CAMKMT: variants seen among roughly 807,000 people sequenced by gnomAD.
CAMKMT encodes calmodulin-lysine N-methyltransferase, also known as CaM KMT.
CAMKMT carries 53 observed loss-of-function variants against 48.0 expected under a neutral mutation model. The observed-to-expected ratio is 1.10, with a 90% CI of 0.89 to 1.39. The LOEUF is 1.39. Ranked by LOEUF, CAMKMT falls within the 40% of genes most tolerant of loss-of-function variation. The probability of loss-of-function intolerance (pLI) is 0.00; values close to 1 mark genes in which losing one functional copy is unlikely to be tolerated. For missense variants in CAMKMT, 428 were observed against 402.7 expected (o/e 1.06, Z -0.54); for synonymous variants, 165 against 152.3 (o/e 1.08, Z -0.61).
chr2:44,375,733 T>A (rs181102335), intron 2 of CAMKMT, among the ~76,000 whole-genome samples: 4 of 151,714 alleles, frequency 2.6e-5, no homozygotes, highest in Non-Finnish European at 5.9e-5. Context: ...AGTCTTTAGC[T>A]GGAGGAATGA....
chr2:44,452,596 T>C (rs543237638), intron 3 of CAMKMT, among the ~76,000 whole-genome samples: 1 of 152,182 alleles, frequency 6.6e-6, no homozygotes, highest in East Asian at 1.9e-4. Flanking sequence ...CAGAGTTTAA[T>C]TTTGCTGAAA....
intron 2 of CAMKMT, among the ~76,000 whole-genome samples, chr2:44,389,327 C>A (rs1023905871): frequency 7.9e-5 from 12 of 152,088 alleles, no homozygotes; most frequent in African/African-American, 2.9e-4. Flanking sequence ...AGTCACCTTT[C>A]GAGGTACCAG....
At chr2:44,505,690 A>C (rs547227386) in intron 3 of CAMKMT, among the ~76,000 whole-genome samples, 1 of 152,218 alleles carries the variant, frequency 6.6e-6, no homozygotes, top group East Asian at 1.9e-4. Flanking sequence ...GCGGAAAAGG[A>C]GGAGTTTGTC....
At chr2:44,434,864 A>G (rs1292401957) in intron 3 of CAMKMT, among the ~76,000 whole-genome samples, 1 of 152,232 alleles carries the variant, frequency 6.6e-6, no homozygotes, top group Non-Finnish European at 1.5e-5. Context: ...GTTTGCATAT[A>G]TTAAACTAGG....
At chr2:44,475,632 G>T (rs1363061852) in intron 3 of CAMKMT, among the ~76,000 whole-genome samples, 1 of 151,962 alleles carries the variant, frequency 6.6e-6, no homozygotes, top group Non-Finnish European at 1.5e-5. Flanking sequence ...AGAAATTTTT[G>T]AAAGGAATAA....
chr2:44,582,062 A>C (rs891729043), intron 3 of CAMKMT, among the ~76,000 whole-genome samples: 7 of 152,218 alleles, frequency 4.6e-5, no homozygotes, highest in Non-Finnish European at 1.0e-4. Context: ...AAAATTCTCA[A>C]ACGTTATTTA....
intron 7 of CAMKMT, among the ~76,000 whole-genome samples, chr2:44,719,223 C>T (rs1450817722): frequency 2.0e-5 from 3 of 152,130 alleles, no homozygotes; most frequent in Non-Finnish European, 4.4e-5. Flanking sequence ...TAAATCCTTC[C>T]TTCTAGGATG....
At chr2:44,512,408 AG>A (rs1382203469) in intron 3 of CAMKMT, among the ~76,000 whole-genome samples, 3 of 152,240 alleles carry the variant, frequency 2.0e-5, no homozygotes, top group African/African-American at 7.2e-5. Flanking sequence ...AATGAGTGGC[AG>A]CCATTATTAT....
chr2:44,419,709 A>G (rs1683799142), intron 3 of CAMKMT, among the ~76,000 whole-genome samples: 1 of 152,148 alleles, frequency 6.6e-6, no homozygotes, highest in South Asian at 2.1e-4. Flanking sequence ...CCAGGTAGCT[A>G]GGACACAGGC....
chr2:44,765,751 C>T (rs1680815772), intron 9 of CAMKMT, among the ~76,000 whole-genome samples: 2 of 152,184 alleles, frequency 1.3e-5, no homozygotes, highest in Admixed American at 6.5e-5. Flanking sequence ...TGTTTACCCT[C>T]ATTATACCAC....
intron 1 of CAMKMT, among the ~76,000 whole-genome samples, chr2:44,364,240 C>G (rs1372873147): frequency 6.6e-6 from 1 of 152,138 alleles, no homozygotes; most frequent in Non-Finnish European, 1.5e-5. Context: ...TCAGCTGTGG[C>G]TGTTACATGA....
chr2:44,376,876 G>A (rs1382609164), intron 2 of CAMKMT, among the ~76,000 whole-genome samples: 1 of 152,146 alleles, frequency 6.6e-6, no homozygotes, highest in East Asian at 1.9e-4. Context: ...CCCAAGGTTT[G>A]TTGTCGTCTT....
intron 3 of CAMKMT, among the ~76,000 whole-genome samples, chr2:44,408,438 T>C (rs1439586132): frequency 6.6e-6 from 1 of 152,172 alleles, no homozygotes; most frequent in African/African-American, 2.4e-5. Flanking sequence ...TTTCTTGTTT[T>C]TTATTGTTTG....
intron 3 of CAMKMT, among the ~76,000 whole-genome samples, chr2:44,515,332 G>T (rs952712063): frequency 6.6e-6 from 1 of 152,176 alleles, no homozygotes; most frequent in African/African-American, 2.4e-5. Flanking sequence ...TAGAACTTTG[G>T]ATTTGGGTAT....
At chr2:44,491,636 T>C (rs780075801) in intron 3 of CAMKMT, among the ~76,000 whole-genome samples, 1 of 152,220 alleles carries the variant, frequency 6.6e-6, no homozygotes, top group East Asian at 1.9e-4. Flanking sequence ...TGCACTATGA[T>C]AAATGCCTGA....
At chr2:44,598,285 A>T (rs965891270) in intron 3 of CAMKMT, among the ~76,000 whole-genome samples, 3 of 152,208 alleles carry the variant, frequency 2.0e-5, no homozygotes, top group Non-Finnish European at 4.4e-5. Flanking sequence ...AATTCTTTCT[A>T]TGAATCCTAA....
At chr2:44,483,538 C>A (rs372521269) in intron 3 of CAMKMT, among the ~76,000 whole-genome samples, 129 of 152,100 alleles carry the variant, frequency 8.5e-4, no homozygotes, top group African/African-American at 3.1e-3. Context: ...AAACTGGTAT[C>A]CTAAATCCTT....
rs1157103611 is a variant in CAMKMT at position 44,657,979 on chromosome 2, C to T, written c.377-46304C>T. Among the ~76,000 whole-genome samples the T allele has an allele frequency of 9.2e-5, 14 of 152,188 alleles. No individual in the cohort carries two copies. Among genetic ancestry groups the T allele is most frequent in the Non-Finnish European group, 2.9e-5 (2 of 68,030 alleles). Reference sequence around the variant, plus strand: ...ATCTCTCTCCTCAAATTATTTTTCACACAGATTTACTCTCCTGAATTTTCC... The same window carrying T: ...ATCTCTCTCCTCAAATTATTTTTCATACAGATTTACTCTCCTGAATTTTCC... On this transcript the variant is annotated intron_variant, in intron 3 of 10. Coordinates refer to ENST00000378494, the MANE Select transcript of CAMKMT (RefSeq NM_024766.5). This position sits in a 1 kb window ranked among gnomAD's most constrained non-coding sequence, Gnocchi z 4.3.
At chr2:44,382,910 G>T (rs1317278837) in intron 2 of CAMKMT, among the ~76,000 whole-genome samples, 1 of 152,146 alleles carries the variant, frequency 6.6e-6, no homozygotes, top group Non-Finnish European at 1.5e-5. Context: ...TAGTTTGCTT[G>T]GCTGCCAAAA....
Sources: allele counts gnomAD v4.1 joint callset (sites outside exome capture counted in the v4.1 genomes callset), GRCh38; gene constraint gnomAD v4.1.1; non-coding constraint Gnocchi (gnomAD v3.1); transcripts MANE v1.5; gene names NCBI Gene and HGNC (gene_info 2026-07-23, HGNC 2026-07-21).